PCNX2: variants seen among roughly 807,000 people sequenced by gnomAD.
PCNX2 encodes the protein pecanex 2, also known as pecanex-like protein 2.
In PCNX2, 168 loss-of-function variants were observed where a neutral mutation model predicts 223.8. That is an observed-to-expected ratio of 0.75 (90% CI 0.66 to 0.85). The LOEUF (loss-of-function observed/expected upper bound fraction) is 0.85, where lower values mean the gene tolerates loss of function less well. Among genes scored for constraint, PCNX2 ranks in the 40% least tolerant of loss-of-function variants. The pLI is 0.00. For missense variants in PCNX2, 2,507 were observed against 2,675.5 expected (o/e 0.94, Z 1.39); for synonymous variants, 1,006 against 1,052.6 (o/e 0.96, Z 0.86).
At chr1:233,061,310 G>A (rs1672396464) in intron 23 of PCNX2, among the ~76,000 whole-genome samples, 1 of 152,198 alleles carries the variant, frequency 6.6e-6, no homozygotes, top group African/African-American at 2.4e-5. Flanking sequence ...ACAAGGTACA[G>A]CTAGGTTTGT....
In PCNX2 at chr1:233,223,356, G is replaced by A. The variant is rs957438579; in HGVS notation, c.2504+3870C>T. 5.3e-5 allele frequency among the ~76,000 whole-genome samples: 8 copies of A among 152,284 alleles called. No individual in the cohort carries two copies. The South Asian group carries it at 6.2e-4, about 12-fold the overall frequency. ...TTATTAGAGAATGAAAGGAGCAAAT[G>A]GAAACAAACACAGGCAACCCTTCAA... On this transcript the variant is annotated intron_variant, in intron 10 of 33. Transcript: ENST00000258229.
intron 21 of PCNX2, among the ~76,000 whole-genome samples, chr1:233,121,427 A>C (rs1675785961): frequency 1.3e-5 from 2 of 152,246 alleles, no homozygotes; most frequent in Non-Finnish European, 2.9e-5. Flanking sequence ...AAATCACACT[A>C]TTTCAAAGCT....
intron 17 of PCNX2, among the ~76,000 whole-genome samples, chr1:233,167,489 T>C (rs1478723559): frequency 6.6e-6 from 1 of 152,190 alleles, no homozygotes. Context: ...CGATCTAATG[T>C]ACATGAGAAC....
Position 233,050,343 on chromosome 1 carries a change from C to T in PCNX2, c.4351+3925G>A, listed in dbSNP as rs115208183. Among the ~76,000 whole-genome samples, 604 of 151,170 alleles carry T rather than the reference C, an allele frequency of 4.0e-3. 6 individuals are homozygous for T. Among genetic ancestry groups the T allele is most frequent in the African/African-American group, 0.014 (574 of 41,250 alleles). ...GAAAAAAACTATTCTAAAATCCATA[C>T]TGAATAAAAAAAAAAAGCCCAAGTA... On this transcript the variant is annotated intron_variant, in intron 25 of 33. Coordinates refer to ENST00000258229, the MANE Select transcript of PCNX2 (RefSeq NM_014801.4).
At chr1:233,326,394 T>C in the PCNX2 span, among the ~76,000 whole-genome samples, 1 of 152,202 alleles carries the variant, frequency 6.6e-6, no homozygotes, top group Non-Finnish European at 1.5e-5. Context: ...ATTTTTTGGG[T>C]TTTTAAAAAA....
intron 15 of PCNX2, among the ~76,000 whole-genome samples, chr1:233,188,373 A>G (rs1301567212): frequency 1.3e-5 from 2 of 152,152 alleles, no homozygotes; most frequent in Non-Finnish European, 2.9e-5. Flanking sequence ...TCAGCAGTTA[A>G]TAACCTGGCC....
intron 1 of PCNX2, among the ~76,000 whole-genome samples, chr1:233,271,805 G>T (rs2103010352): frequency 6.6e-6 from 1 of 152,154 alleles, no homozygotes; most frequent in South Asian, 2.1e-4. Flanking sequence ...TTTATTTCTG[G>T]GTTCTCTGTT....
rs779631998 is a variant in PCNX2, at chr1:232,984,276, C to A, written c.*28G>T. ...AATGCAGGTGGGAGGTGTGGGGGAG[C>A]CAGCCTCCCCGCCCGGCCGCACGCC... On this transcript the variant is annotated 3_prime_UTR_variant, in exon 34 of 34. Transcript: ENST00000258229. 2 of 1,550,528 alleles carry A rather than the reference C, an allele frequency of 1.3e-6. No individual in the cohort carries two copies. Among genetic ancestry groups the A allele is most frequent in the South Asian group, 2.5e-5 (2 of 81,074 alleles).
chr1:232,998,141 C>T, intron 32 of PCNX2, 110 bp downstream of exon 32: 1 of 1,160,188 alleles, frequency 8.6e-7, no homozygotes, highest in Non-Finnish European at 1.1e-6. Flanking sequence ...TCTATTGTCC[C>T]AATGCAAGAA....
chr1:233,245,680 C>T (rs1406614820), intron 8 of PCNX2, among the ~76,000 whole-genome samples: 1 of 152,140 alleles, frequency 6.6e-6, no homozygotes, highest in Non-Finnish European at 1.5e-5. Context: ...TTTGAGAGGC[C>T]AAGGCAGGCG....
At chr1:233,267,338 A>C (rs1660395620) in intron 1 of PCNX2, among the ~76,000 whole-genome samples, 1 of 152,158 alleles carries the variant, frequency 6.6e-6, no homozygotes, top group Non-Finnish European at 1.5e-5. Flanking sequence ...AACAAACAAA[A>C]AAAAACTTTT....
chr1:233,131,254 A>G (rs984934589), intron 21 of PCNX2, among the ~76,000 whole-genome samples: 1 of 152,206 alleles, frequency 6.6e-6, no homozygotes, highest in Non-Finnish European at 1.5e-5. Context: ...CAAGACTTCC[A>G]TGAGTCTAGT....
At chr1:233,322,918 CT>C in the PCNX2 span, among the ~76,000 whole-genome samples, 53 of 152,082 alleles carry the variant, frequency 3.5e-4, no homozygotes, top group African/African-American at 1.1e-3. Flanking sequence ...CCCGTTCCAT[CT>C]TTATAATCAG....
rs142354952 is a variant in PCNX2, at chr1:232,995,027, T to C, written c.5791+3224A>G. Among the ~76,000 whole-genome samples, 743 of 152,330 alleles carry C rather than the reference T, an allele frequency of 4.9e-3. 4 individuals carry two copies. Among genetic ancestry groups the C allele is most frequent in the African/African-American group, 0.017 (700 of 41,576 alleles). On this transcript the variant is annotated intron_variant, in intron 32 of 33. Coordinates refer to ENST00000258229, the MANE Select transcript of PCNX2 (RefSeq NM_014801.4). ...ATCTGCAAGATGAGGAGGGTGAAAC[T>C]GCCTGCATCTCTAAAAGCCATGGTG...
At chr1:233,250,979 T>C (rs1659415880) in intron 7 of PCNX2, 147 bp from the exon 8 acceptor site, 1 of 846,678 alleles carries the variant, frequency 1.2e-6, no homozygotes, top group South Asian at 2.1e-5. Flanking sequence ...TTTATATTTC[T>C]GCACAGAACA....
intron 2 of PCNX2, 69 bp downstream of exon 2, chr1:233,262,888 AT>A (rs1660131630): frequency 1.4e-6 from 2 of 1,470,884 alleles, no homozygotes; most frequent in Admixed American, 3.5e-5. Context: ...ATAAACACTG[AT>A]AAAAAACTTA....
chr1:232,984,080 T>G lies in PCNX2; in HGVS notation c.*224A>C. Reference sequence around the variant, plus strand: ...GTTGCTTTTTTTTGTTTCCCCATCATGTGAGGTTTTTTTGTTGTTGTTGTT... The same window carrying G: ...GTTGCTTTTTTTTGTTTCCCCATCAGGTGAGGTTTTTTTGTTGTTGTTGTT... On this transcript the variant is annotated 3_prime_UTR_variant, in exon 34 of 34. Transcript: ENST00000258229. 2.4e-6 allele frequency: 1 copy of G among 412,256 alleles called. No homozygotes were observed. Among genetic ancestry groups the G allele is most frequent in the Non-Finnish European group, 4.1e-6 (1 of 244,546 alleles). 25.5% of individuals were successfully genotyped at this position (412,256 alleles called of 1,614,324 possible).
Position 233,025,296 on chromosome 1 carries a change from G to T in PCNX2, c.4455C>A (p.Ser1485=). Residue 1485 remains serine (S), a synonymous_variant, in exon 26 of 34, where the codon TCC becomes TCA. Coordinates refer to ENST00000258229, the MANE Select transcript of PCNX2 (RefSeq NM_014801.4). ...AGCGGAGGTGAAAGGCAGCGTTGCA[G>T]GACAGCAGGTGAGGCAAGTGGCCTG... is the stretch of plus-strand genomic sequence containing the variant. ...CKPGHLPHLL[S]CNAAFHLRWL... is the part of the protein sequence containing the mutation. 6.2e-7 allele frequency: 1 copy of T among 1,614,054 alleles called. No homozygotes were observed. The highest frequency in any genetic ancestry group is 8.5e-7 in the Non-Finnish European group (1 of 1,179,908).
intron 21 of PCNX2, among the ~76,000 whole-genome samples, chr1:233,115,683 T>G (rs1419611698): frequency 6.6e-6 from 1 of 152,184 alleles, no homozygotes; most frequent in Non-Finnish European, 1.5e-5. Flanking sequence ...ATGTTGGAAT[T>G]ATCATACAGG....
Sources: gnomAD v4.1 joint callset for allele counts (sites outside exome capture counted in the v4.1 genomes callset) on GRCh38, gnomAD v4.1.1 for gene constraint, MANE v1.5 for transcripts, NCBI Gene and HGNC (gene_info 2026-07-23, HGNC 2026-07-21) for gene names.